Variants in ATP11A observed in about 807,000 individuals in gnomAD.
ATP11A encodes the protein ATPase phospholipid transporting 11A, also known as phospholipid-transporting ATPase IH.
ATP11A carries 81 observed loss-of-function variants against 154.4 expected under a neutral mutation model. The ratio of observed to expected loss-of-function variants is 0.52; its 90% confidence interval spans 0.44 to 0.63. The LOEUF is 0.63. Among genes scored for constraint, ATP11A ranks in the 30% least tolerant of loss-of-function variants. The probability of loss-of-function intolerance (pLI) is 0.00; values close to 1 mark genes in which losing one functional copy is unlikely to be tolerated. For synonymous variants in ATP11A, 623 were observed against 585.9 expected, an observed-to-expected ratio of 1.06 and a Z score of -0.91; for missense variants, 1,316 against 1,474.3, an observed-to-expected ratio of 0.89 and a Z score of 1.76.
chr13:112,722,496 A>AGT (rs1424610206), intron 1 of ATP11A, among the ~76,000 whole-genome samples: 1 of 152,160 alleles, frequency 6.6e-6, no homozygotes, highest in East Asian at 1.9e-4. Flanking sequence ...AATGTTTCTC[A>AGT]GTGGACTTCA....
At position 112,882,479 on chromosome 13, in the gene ATP11A, A is replaced by C; in HGVS notation, c.*613A>C. 2.2e-6 allele frequency: 1 copy of C among 449,372 alleles called. No homozygotes were observed. Among genetic ancestry groups the C allele is most frequent in the Non-Finnish European group, 3.9e-6 (1 of 256,070 alleles). The allele number at this position is 449,372 out of a possible 1,614,324, so 27.8% of individuals were successfully genotyped here. ...TGCGTCCTTTACTCAACAACCCTCC[A>C]ATCCGGATGCTGTGGGAAGGGCCGG... On this transcript the variant is annotated 3_prime_UTR_variant, in exon 30 of 30. Coordinates refer to ENST00000375645, the MANE Select transcript of ATP11A (RefSeq NM_015205.3). The surrounding 1 kb of genome is among the most constrained non-coding windows in gnomAD (Gnocchi z 5.1).
chr13:112,871,917 C>A, intron 26 of ATP11A, 117 bp downstream of exon 26: 1 of 1,162,418 alleles, frequency 8.6e-7, no homozygotes, highest in East Asian at 2.4e-5. Flanking sequence ...AAGCCACTCT[C>A]CACCCAGCCT....
chr13:112,869,918 T>C lies in ATP11A; in HGVS notation c.2992-1817T>C, dbSNP rs374136683. ...GCTTCTCACCCGGGCTCTGCTGACA[T>C]TGGGGCCAGATGTACATCCTCGTGG... On this transcript the variant is annotated intron_variant, in intron 25 of 29. Transcript: ENST00000375645. Among the ~76,000 whole-genome samples, 158 of 152,320 alleles carry C rather than the reference T, an allele frequency of 1.0e-3. 2 individuals are homozygous for C. In the South Asian group the frequency reaches 0.032, roughly 31 times the overall value.
intron 1 of ATP11A, among the ~76,000 whole-genome samples, chr13:112,714,804 C>G (rs557800986): frequency 2.0e-5 from 3 of 152,310 alleles, no homozygotes; most frequent in Non-Finnish European, 4.4e-5. Context: ...AACAAACATG[C>G]AACATCTTGT....
At chr13:112,719,352 C>G (rs1312766861) in intron 1 of ATP11A, among the ~76,000 whole-genome samples, 2 of 152,212 alleles carry the variant, frequency 1.3e-5, no homozygotes. Context: ...CTCACGTAAT[C>G]TTCAATCTTC....
intron 5 of ATP11A, among the ~76,000 whole-genome samples, chr13:112,812,635 A>G (rs561080681): frequency 6.6e-6 from 1 of 152,130 alleles, no homozygotes; most frequent in Non-Finnish European, 1.5e-5. Context: ...ATCAACCACT[A>G]ACCCCCCACC....
At chr13:112,810,143 AAG>A (rs1285605635) in intron 4 of ATP11A, among the ~76,000 whole-genome samples, 1 of 152,132 alleles carries the variant, frequency 6.6e-6, no homozygotes, top group Non-Finnish European at 1.5e-5. Flanking sequence ...TTTTTAATGA[AAG>A]AGAAGAATGG....
At chr13:112,741,236 G>C (rs1182376110) in intron 1 of ATP11A, among the ~76,000 whole-genome samples, 4 of 152,054 alleles carry the variant, frequency 2.6e-5, no homozygotes, top group African/African-American at 9.7e-5. Flanking sequence ...CGGGAGGGTT[G>C]GGCAGCCACA....
In ATP11A at chr13:112,859,271, T is replaced by C; in HGVS notation, c.2668-122T>C. On this transcript the variant is annotated intron_variant, in intron 22 of 29. Transcript: ENST00000375645. This position sits in a 1 kb window ranked among gnomAD's most constrained non-coding sequence, Gnocchi z 4.3. Reference sequence around the variant, plus strand: ...AAAGCTTTCTAGAACCCATTAGTGCTGTTCTGCCGCACGCTGGGTGCACGT... The same window carrying C: ...AAAGCTTTCTAGAACCCATTAGTGCCGTTCTGCCGCACGCTGGGTGCACGT... The C allele has an allele frequency of 5.0e-6, 4 of 794,122 alleles. No homozygotes were observed. The highest frequency in any genetic ancestry group is 4.6e-4 in the Middle Eastern group (2 of 4,374). The allele number at this position is 794,122 out of a possible 1,614,324, so 49.2% of individuals were successfully genotyped here.
chr13:112,690,595 C>G lies in ATP11A; in HGVS notation c.39+140C>G. 1 of 786,446 alleles carries G rather than the reference C, an allele frequency of 1.3e-6. No homozygotes were observed. Among genetic ancestry groups the G allele is most frequent in the Non-Finnish European group, 1.7e-6 (1 of 586,890 alleles). The allele number at this position is 786,446 out of a possible 1,614,324, so 48.7% of individuals were successfully genotyped here. Reference sequence around the variant, plus strand: ...CTGGGACTCGGACCGCCCCCGGGGACGAGCGGGATGCTGGGGAGGGGCCTC... The same window carrying G: ...CTGGGACTCGGACCGCCCCCGGGGAGGAGCGGGATGCTGGGGAGGGGCCTC... On this transcript the variant is annotated intron_variant, in intron 1 of 29. Coordinates refer to ENST00000375645, the MANE Select transcript of ATP11A (RefSeq NM_015205.3). The surrounding 1 kb of genome is among the most constrained non-coding windows in gnomAD (Gnocchi z 5.6).
At chr13:112,706,961 T>C (rs962355835) in intron 1 of ATP11A, among the ~76,000 whole-genome samples, 5 of 152,242 alleles carry the variant, frequency 3.3e-5, no homozygotes, top group African/African-American at 9.6e-5. Context: ...TATTTTAGAC[T>C]GTGGAAAAGA....
chr13:112,755,711 A>G (rs183285354), intron 1 of ATP11A, among the ~76,000 whole-genome samples: 102 of 152,110 alleles, frequency 6.7e-4, no homozygotes, highest in East Asian at 2.7e-3. Context: ...ACCATCACTC[A>G]GAGCGGCTCC....
chr13:112,696,961 G>A lies in ATP11A; in HGVS notation c.39+6506G>A, dbSNP rs1885908040. 1 of 152,752 alleles carries A rather than the reference G, an allele frequency of 6.5e-6. No homozygotes were observed. Among genetic ancestry groups the A allele is most frequent in the African/African-American group, 2.4e-5 (1 of 41,474 alleles). The allele number at this position is 152,752 out of a possible 1,614,324, so 9.5% of individuals were successfully genotyped here. Reference sequence around the variant, plus strand: ...CGACGGTGCTGAGAAAAAGAGAGTGGGGTTGGGGGCAGTGCGTGCGCAGGC... The same window carrying A: ...CGACGGTGCTGAGAAAAAGAGAGTGAGGTTGGGGGCAGTGCGTGCGCAGGC... On this transcript the variant is annotated intron_variant, in intron 1 of 29. Coordinates refer to ENST00000375645, the MANE Select transcript of ATP11A (RefSeq NM_015205.3). This position sits in a 1 kb window ranked among gnomAD's most constrained non-coding sequence, Gnocchi z 6.2.
chr13:112,803,251 C>T (rs936892865), intron 2 of ATP11A, among the ~76,000 whole-genome samples: 13 of 152,190 alleles, frequency 8.5e-5, no homozygotes, highest in Admixed American at 5.9e-4. Context: ...TATTTGTAAA[C>T]ACCAAATTCA....
chr13:112,795,688 G>A (rs1389530930), intron 2 of ATP11A, among the ~76,000 whole-genome samples: 1 of 152,260 alleles, frequency 6.6e-6, no homozygotes, highest in African/African-American at 2.4e-5. Flanking sequence ...TGGAAAGTAA[G>A]ACTGGCCTCA....
Position 112,777,513 on chromosome 13 carries a change from G to A in ATP11A, c.40-7622G>A, listed in dbSNP as rs190590654. ...CGGGAGGCGAAGGTTGCAGTGTGCCGAGATCACGCCATTGCACTCCAGCCT... is the reference window on the plus strand; with the variant it reads ...CGGGAGGCGAAGGTTGCAGTGTGCCAAGATCACGCCATTGCACTCCAGCCT... On this transcript the variant is annotated intron_variant, in intron 1 of 29. Transcript: ENST00000375645. Among the ~76,000 whole-genome samples, 191 of 152,294 alleles carry A rather than the reference G, an allele frequency of 1.3e-3. No individual in the cohort carries two copies. In the East Asian group the frequency reaches 0.013, roughly 10 times the overall value.
chr13:112,724,577 C>A (rs1889605397), intron 1 of ATP11A, among the ~76,000 whole-genome samples: 1 of 151,980 alleles, frequency 6.6e-6, no homozygotes, highest in Non-Finnish European at 1.5e-5. Context: ...TTGGGGGTCT[C>A]ATCACACTAT....
chr13:112,807,917 C>T lies in ATP11A; in HGVS notation c.333+1624C>T, dbSNP rs1345058877. On this transcript the variant is annotated intron_variant, in intron 4 of 29. Coordinates refer to ENST00000375645, the MANE Select transcript of ATP11A (RefSeq NM_015205.3). The surrounding 1 kb of genome is among the most constrained non-coding windows in gnomAD (Gnocchi z 4.5). ...TTCCAGCCTGGCCCCAGGAGGCAGG[C>T]GTAGCACTGTTCTTCAGCGTCCTCT... 6.6e-6 allele frequency among the ~76,000 whole-genome samples: 1 copy of T among 152,096 alleles called. No individual in the cohort carries two copies. The highest frequency in any genetic ancestry group is 6.5e-5 in the Admixed American group (1 of 15,276).
intron 1 of ATP11A, among the ~76,000 whole-genome samples, chr13:112,778,600 C>A (rs1363751741): frequency 6.6e-6 from 1 of 151,888 alleles, no homozygotes; most frequent in Non-Finnish European, 1.5e-5. Context: ...GAATGAGTAG[C>A]CGCTGGTTTG....
Sources: allele counts gnomAD v4.1 joint callset (sites outside exome capture counted in the v4.1 genomes callset), GRCh38; gene constraint gnomAD v4.1.1; non-coding constraint Gnocchi (gnomAD v3.1); transcripts MANE v1.5; gene names NCBI Gene and HGNC (gene_info 2026-07-23, HGNC 2026-07-21).